Variants in LDLRAP1 observed in about 807,000 individuals in gnomAD.
LDLRAP1 encodes the protein low density lipoprotein receptor adapter protein 1.
LDLRAP1 carries 30 observed loss-of-function variants against 37.8 expected under a neutral mutation model. The observed-to-expected ratio is 0.79, with a 90% CI of 0.59 to 1.08. LDLRAP1 has a LOEUF of 1.08. LDLRAP1 is among the 50% of genes least tolerant of loss of function. The pLI is 0.00. For missense variants in LDLRAP1, 375 were observed against 401.6 expected (o/e 0.93, Z 0.57); for synonymous variants, 156 against 169.8 (o/e 0.92, Z 0.63).
At chr1:25,575,167 G>T in the LDLRAP1 span, among the ~76,000 whole-genome samples, 1 of 152,190 alleles carries the variant, frequency 6.6e-6, no homozygotes, top group Non-Finnish European at 1.5e-5. Context: ...AAGACTGTAT[G>T]ATGTTTGGGC....
intron 8 of LDLRAP1, among the ~76,000 whole-genome samples, chr1:25,566,388 C>T (rs559085955): frequency 1.8e-4 from 28 of 152,308 alleles, no homozygotes; most frequent in Admixed American, 6.5e-4. Context: ...TTAAGGGAAG[C>T]TGCTATAATT....
chr1:25,568,747 C>T lies in LDLRAP1; in HGVS notation c.*1755C>T, dbSNP rs7491. The T allele has an allele frequency of 0.53, 80,728 of 152,186 alleles. 22,210 individuals are homozygous for T. Among genetic ancestry groups the T allele is most frequent in the African/African-American group, 0.69 (28,481 of 41,548 alleles). The allele number at this position is 152,186 out of a possible 1,614,324, so 9.4% of individuals were successfully genotyped here. On this transcript the variant is annotated 3_prime_UTR_variant, in exon 9 of 9. Coordinates refer to ENST00000374338, the MANE Select transcript of LDLRAP1 (RefSeq NM_015627.3). Reference sequence around the variant, plus strand: ...GAGAAGCGCTGCCCTGTGAGAGCCACGCTGGCCTTCGTCTCCATCTCTGGT... The same window carrying T: ...GAGAAGCGCTGCCCTGTGAGAGCCATGCTGGCCTTCGTCTCCATCTCTGGT...
rs776087402 is a variant in LDLRAP1 at position 25,554,698 on chromosome 1, A to G, written c.232-162A>G. 1.3e-5 allele frequency among the ~76,000 whole-genome samples: 2 copies of G among 152,178 alleles called. No individual in the cohort carries two copies. The highest frequency in any genetic ancestry group is 2.9e-5 in the Non-Finnish European group (2 of 68,034). On this transcript the variant is annotated intron_variant, in intron 2 of 8. Coordinates refer to ENST00000374338, the MANE Select transcript of LDLRAP1 (RefSeq NM_015627.3). The surrounding 1 kb of genome is among the most constrained non-coding windows in gnomAD (Gnocchi z 5.4). Reference sequence around the variant, plus strand: ...CTCAGCAGATGCTGCTCCTGTTTCTATTGCAAGAAGGTGCTGGCTGAGTGG... The same window carrying G: ...CTCAGCAGATGCTGCTCCTGTTTCTGTTGCAAGAAGGTGCTGGCTGAGTGG...
intron 7 of LDLRAP1, 122 bp downstream of exon 7, chr1:25,563,913 C>T: frequency 7.5e-7 from 1 of 1,326,562 alleles, no homozygotes; most frequent in Non-Finnish European, 1.1e-6. Context: ...GGACCAGACC[C>T]AGCCCGGTAG....
chr1:25,549,594 A>T (rs1428861721), intron 1 of LDLRAP1, among the ~76,000 whole-genome samples: 1 of 152,228 alleles, frequency 6.6e-6, no homozygotes, highest in African/African-American at 2.4e-5. Flanking sequence ...ACGTTAAAAT[A>T]GCGCAGTCAT....
the LDLRAP1 span, chr1:25,581,428 C>T: frequency 1.3e-5 from 2 of 152,190 alleles, no homozygotes; most frequent in Non-Finnish European, 2.9e-5. Context: ...TTGCTGAATC[C>T]GGGGTGGTCT....
At chr1:25,547,619 G>A (rs1166033409) in intron 1 of LDLRAP1, among the ~76,000 whole-genome samples, 1 of 152,146 alleles carries the variant, frequency 6.6e-6, no homozygotes, top group Non-Finnish European at 1.5e-5. Flanking sequence ...CCGTTCCACT[G>A]GAGGGGCAGT....
At chr1:25,581,234 G>C in the LDLRAP1 span, among the ~76,000 whole-genome samples, 7 of 152,126 alleles carry the variant, frequency 4.6e-5, no homozygotes, top group Admixed American at 4.6e-4. Context: ...CCTGGGGCGG[G>C]GGCACTGCTG....
Position 25,554,530 on chromosome 1 carries a change from T to A in LDLRAP1, c.232-330T>A, listed in dbSNP as rs2044154174. 2.0e-5 allele frequency among the ~76,000 whole-genome samples: 3 copies of A among 152,210 alleles called. No homozygotes were observed. The highest frequency in any genetic ancestry group is 6.5e-5 in the Admixed American group (1 of 15,284). On this transcript the variant is annotated intron_variant, in intron 2 of 8. Transcript: ENST00000374338. This position sits in a 1 kb window ranked among gnomAD's most constrained non-coding sequence, Gnocchi z 5.4. The stretch of plus-strand genomic sequence containing the variant: ...GCAGAGTACTCAGGAGTCATCCTGC[T>A]GGGTTGTGCTAGCTCATTCAGTGCC...
At chr1:25,547,610 C>T (rs1435455072) in intron 1 of LDLRAP1, among the ~76,000 whole-genome samples, 1 of 152,122 alleles carries the variant, frequency 6.6e-6, no homozygotes, top group Non-Finnish European at 1.5e-5. Flanking sequence ...TCTTCAGAGC[C>T]GTTCCACTGG....
At chr1:25,569,316 G>A (rs371215208), downstream of LDLRAP1, among the ~76,000 whole-genome samples, 2 of 152,282 alleles carry the variant, frequency 1.3e-5, no homozygotes, top group South Asian at 2.1e-4. Flanking sequence ...CGGGCTGAAC[G>A]TGGACTGGGC....
chr1:25,556,839 C>T (rs2044212179), intron 3 of LDLRAP1, among the ~76,000 whole-genome samples: 1 of 152,196 alleles, frequency 6.6e-6, no homozygotes, highest in Non-Finnish European at 1.5e-5. Flanking sequence ...AAGCTCTTGG[C>T]ACATTGCCTG....
At chr1:25,553,787 A>G (rs2044132249) in intron 1 of LDLRAP1, 135 bp from the exon 2 acceptor site, 4 of 1,004,864 alleles carry the variant, frequency 4.0e-6, no homozygotes, top group Non-Finnish European at 1.4e-6. Flanking sequence ...AAAAAAAAAA[A>G]AAGAGTGGCA....
chr1:25,577,563 A>G, the LDLRAP1 span, among the ~76,000 whole-genome samples: 1 of 152,200 alleles, frequency 6.6e-6, no homozygotes, highest in Admixed American at 6.5e-5. Flanking sequence ...GTGTGCGGTT[A>G]GGAAGGCTTT....
Position 25,564,362 on chromosome 1 carries a change from G to A in LDLRAP1, c.747+571G>A, listed in dbSNP as rs564280834. 3.9e-5 allele frequency: 7 copies of A among 179,132 alleles called. No homozygotes were observed. In the South Asian group the frequency reaches 4.9e-4, roughly 12 times the overall value. The allele number at this position is 179,132 out of a possible 1,614,324, so 11.1% of individuals were successfully genotyped here. On this transcript the variant is annotated intron_variant, in intron 7 of 8. Transcript: ENST00000374338. The stretch of plus-strand genomic sequence containing the variant: ...TAGTACAGAGAATTCCTGTTCACCC[G>A]TCATCCAGATTCCCCAATTGTTAAC...
chr1:25,563,689 A>C lies in LDLRAP1; in HGVS notation c.645A>C (p.Leu215Phe). The change falls in exon 7 of 9, where the codon TTA becomes TTC. Residue 215 changes from leucine to phenylalanine, a missense_variant. By Grantham distance (22) the Leu-to-Phe change is conservative. Coordinates refer to ENST00000374338, the MANE Select transcript of LDLRAP1 (RefSeq NM_015627.3). ...SLVATGNLLD[L>F]EETAKAPLST... ...TCGCCACTGGGAACCTGCTGGACTT[A>C]GAGGAGACAGCTAAGGCCCCGCTGT... is the stretch of plus-strand genomic sequence containing the variant. 6.2e-7 allele frequency: 1 copy of C among 1,613,940 alleles called. No individual in the cohort carries two copies. Among genetic ancestry groups the C allele is most frequent in the Non-Finnish European group, 8.5e-7 (1 of 1,180,024 alleles).
At chr1:25,557,093 T>G in intron 3 of LDLRAP1, 60 bp from the exon 4 acceptor site, 1 of 1,277,554 alleles carries the variant, frequency 7.8e-7, no homozygotes, top group Non-Finnish European at 1.1e-6. Flanking sequence ...CCTGCAGGGC[T>G]TCCCACATGT....
intron 4 of LDLRAP1, 172 bp downstream of exon 4, chr1:25,557,439 G>A (rs1461099444): frequency 2.3e-5 from 14 of 615,976 alleles, no homozygotes; most frequent in African/African-American, 5.5e-5. Context: ...GTACAGTGGT[G>A]GGGCTGCAGG....
the LDLRAP1 span, among the ~76,000 whole-genome samples, chr1:25,574,833 G>A: frequency 6.6e-6 from 1 of 152,294 alleles, no homozygotes; most frequent in Non-Finnish European, 1.5e-5. Context: ...GTTTCCTTGT[G>A]CGTCTGTGGG....
Sources: allele counts gnomAD v4.1 joint callset (sites outside exome capture counted in the v4.1 genomes callset), GRCh38; gene constraint gnomAD v4.1.1; non-coding constraint Gnocchi (gnomAD v3.1); transcripts MANE v1.5; gene names NCBI Gene and HGNC (gene_info 2026-07-23, HGNC 2026-07-21).